The following AIM2 variants were observed in gnomAD, a reference collection of about 807,000 sequenced individuals.
AIM2 encodes interferon-inducible protein AIM2.
AIM2 carries 30 observed loss-of-function variants against 27.7 expected under a neutral mutation model. That is an observed-to-expected ratio of 1.08 (90% CI 0.81 to 1.47). The LOEUF is 1.47. Among genes scored for constraint, AIM2 ranks in the 40% most tolerant of loss-of-function variants. AIM2 has a pLI of 0.00. For synonymous variants in AIM2, 141 were observed against 145.3 expected, an observed-to-expected ratio of 0.97 and a Z score of 0.21; for missense variants, 358 against 411.3, an observed-to-expected ratio of 0.87 and a Z score of 1.12.
chr1:159,127,115 G>A (rs1205626023), intron 1 of AIM2, among the ~76,000 whole-genome samples: 2 of 152,296 alleles, frequency 1.3e-5, no homozygotes, highest in South Asian at 4.1e-4. Context: ...CCTACCCCTA[G>A]GGACTGAGAA....
chr1:159,071,884 C>T (rs1656377890), intron 2 of AIM2, among the ~76,000 whole-genome samples: 1 of 152,148 alleles, frequency 6.6e-6, no homozygotes, highest in East Asian at 1.9e-4. Flanking sequence ...ATAATCTACT[C>T]CTGAGTTTCC....
intron 1 of AIM2, among the ~76,000 whole-genome samples, chr1:159,083,374 T>G (rs1405431168): frequency 6.6e-6 from 1 of 152,186 alleles, no homozygotes; most frequent in African/African-American, 2.4e-5. Flanking sequence ...AAACTAGGAA[T>G]GTAGCAATAT....
chr1:159,136,117 C>T (rs924926841), intron 1 of AIM2, among the ~76,000 whole-genome samples: 4 of 152,128 alleles, frequency 2.6e-5, no homozygotes, highest in African/African-American at 4.8e-5. Context: ...ATGGGCAGAA[C>T]GTACTCTTGG....
chr1:159,074,412 C>T (rs1244804951), intron 1 of AIM2, among the ~76,000 whole-genome samples: 1 of 151,820 alleles, frequency 6.6e-6, no homozygotes, highest in East Asian at 1.9e-4. Flanking sequence ...TATGAATTTT[C>T]CCAGAATCAT....
chr1:159,066,230 T>C lies in AIM2; in HGVS notation c.496A>G (p.Thr166Ala), dbSNP rs771911036. ...VMVLKAKKPF[T>A]FETQEGKQEM... ...TGCTTGCCTTCTTGGGTCTCAAACG[T>C]GAAGGGCTTCTTTGCTTTCAGTACC... is the stretch of plus-strand genomic sequence containing the variant. Residue 166 changes from threonine to alanine, a missense_variant, in exon 4 of 6, where the codon ACG becomes GCG. By Grantham distance (58) the Thr-to-Ala change is moderately conservative. Transcript: ENST00000368130. The C allele has an allele frequency of 1.8e-5, 29 of 1,614,114 alleles. No individual in the cohort carries two copies. The South Asian group carries it at 3.0e-4, about 16-fold the overall frequency.
intron 1 of AIM2, among the ~76,000 whole-genome samples, chr1:159,082,482 T>A (rs1220183270): frequency 6.6e-6 from 1 of 152,162 alleles, no homozygotes; most frequent in Non-Finnish European, 1.5e-5. Flanking sequence ...GACAGCCATC[T>A]TTTTTCTTTT....
At chr1:159,063,459 G>T (rs757281990) in intron 5 of AIM2, 27 bp downstream of exon 5, 25 of 1,586,946 alleles carry the variant, frequency 1.6e-5, no homozygotes, top group Non-Finnish European at 1.9e-5. Context: ...CCCTTGGAGA[G>T]TTGACTTTGT....
At chr1:159,069,874 G>A (rs568568670) in intron 2 of AIM2, among the ~76,000 whole-genome samples, 79 of 152,236 alleles carry the variant, frequency 5.2e-4, no homozygotes, top group East Asian at 7.7e-4. Context: ...ACAAGGCCTT[G>A]CATTTTCCTT....
chr1:159,122,405 T>A (rs1186858345), intron 1 of AIM2: 1 of 152,130 alleles, frequency 6.6e-6, no homozygotes, highest in African/African-American at 2.4e-5. Flanking sequence ...AGAAAGAGCA[T>A]CTGCTTTTTA....
In AIM2 at chr1:159,116,071, C is replaced by T. The variant is rs1400686563; in HGVS notation, c.-16+24360G>A. Among the ~76,000 whole-genome samples the T allele has an allele frequency of 5.1e-4, 77 of 152,194 alleles. No individual in the cohort carries two copies. In the East Asian group the frequency reaches 0.013, roughly 25 times the overall value. On this transcript the variant is annotated intron_variant, in intron 1 of 2. Transcript: ENST00000368129. ...AGAAGACATTTATGCAGCCAAAAGA[C>T]ACATGAAAAAATGCTCATCATCACT...
At chr1:159,071,329 C>G (rs974171763) in intron 2 of AIM2, among the ~76,000 whole-genome samples, 6 of 152,190 alleles carry the variant, frequency 3.9e-5, no homozygotes, top group African/African-American at 1.4e-4. Context: ...CCAAGAATGA[C>G]AGATTAACTG....
chr1:159,113,143 A>T (rs1657617672), intron 1 of AIM2, among the ~76,000 whole-genome samples: 1 of 151,948 alleles, frequency 6.6e-6, no homozygotes, highest in Non-Finnish European at 1.5e-5. Context: ...ACGGGGTTTC[A>T]CCATGTTAGC....
chr1:159,092,471 G>T (rs1657070531), intron 1 of AIM2, among the ~76,000 whole-genome samples: 1 of 152,182 alleles, frequency 6.6e-6, no homozygotes, highest in Admixed American at 6.5e-5. Context: ...TCAGACTGAA[G>T]GAGGTTAAAG....
intron 1 of AIM2, among the ~76,000 whole-genome samples, chr1:159,109,257 T>C (rs545222578): frequency 6.6e-6 from 1 of 152,068 alleles, no homozygotes; most frequent in Admixed American, 6.5e-5. Flanking sequence ...TAAACCCAAA[T>C]ACTTACAGCC....
chr1:159,065,876 A>G (rs779296436), intron 4 of AIM2, 34 bp downstream of exon 4: 1 of 1,543,828 alleles, frequency 6.5e-7, no homozygotes, highest in South Asian at 1.3e-5. Flanking sequence ...CGTTATTCTT[A>G]CTAATCAATA....
At chr1:159,080,226 A>G (rs1329131521), upstream of AIM2, among the ~76,000 whole-genome samples, 1 of 152,196 alleles carries the variant, frequency 6.6e-6, no homozygotes, top group Non-Finnish European at 1.5e-5. Context: ...GTATAATAAG[A>G]TATAATAAGA....
chr1:159,125,305 G>C (rs1272959605), intron 1 of AIM2, among the ~76,000 whole-genome samples: 1 of 152,210 alleles, frequency 6.6e-6, no homozygotes, highest in Non-Finnish European at 1.5e-5. Context: ...GCACATATTA[G>C]CTGTAGAACA....
At chr1:159,110,281 T>C (rs1657537603) in intron 1 of AIM2, among the ~76,000 whole-genome samples, 1 of 152,216 alleles carries the variant, frequency 6.6e-6, no homozygotes. Flanking sequence ...TTGGAGACTA[T>C]TATTCTAAGT....
rs1571916831 is a variant in AIM2 at position 159,062,680 on chromosome 1, C to T, written c.*12G>A. ...TTAGACCAGTTGGCTTGAATTGGTC[C>T]TTTTTACTTCTCTATGTTTTTTTTT... On this transcript the variant is annotated 3_prime_UTR_variant, in exon 6 of 6. Coordinates refer to ENST00000368130, the MANE Select transcript of AIM2 (RefSeq NM_004833.3). The T allele has an allele frequency of 3.1e-6, 5 of 1,612,710 alleles. No individual in the cohort carries two copies. In the East Asian group the frequency reaches 1.1e-4, roughly 36 times the overall value.
Sources: gnomAD v4.1 joint callset for allele counts (sites outside exome capture counted in the v4.1 genomes callset) on GRCh38, gnomAD v4.1.1 for gene constraint, MANE v1.5 for transcripts, NCBI Gene and HGNC (gene_info 2026-07-23, HGNC 2026-07-21) for gene names.